MSI2: variants seen among roughly 807,000 people sequenced by gnomAD.
The protein encoded by MSI2 is RNA-binding protein Musashi homolog 2.
MSI2 carries 17 observed loss-of-function variants against 45.6 expected under a neutral mutation model. The ratio of observed to expected loss-of-function variants is 0.37; its 90% confidence interval spans 0.26 to 0.56. MSI2 has a LOEUF of 0.56. Ranked by LOEUF, MSI2 falls within the 20% of genes least tolerant of loss-of-function variation. The probability of loss-of-function intolerance (pLI) is 0.77; values close to 1 mark genes in which losing one functional copy is unlikely to be tolerated. For missense variants in MSI2, 293 were observed against 444.2 expected (o/e 0.66, Z 3.06); for synonymous variants, 156 against 158.2 (o/e 0.99, Z 0.11).
chr17:57,289,976 CCT>C (rs140981544), intron 5 of MSI2, among the ~76,000 whole-genome samples: 76 of 152,314 alleles, frequency 5.0e-4, no homozygotes, highest in Non-Finnish European at 9.6e-4. Context: ...GTGACTTTTG[CCT>C]CTCTTTTGCT....
intron 6 of MSI2, among the ~76,000 whole-genome samples, chr17:57,492,714 C>T (rs1001614343): frequency 1.6e-4 from 25 of 152,192 alleles, no homozygotes; most frequent in Non-Finnish European, 8.8e-5. Context: ...ATTCTCCTGC[C>T]TCAGCCTCCC....
At chr17:57,632,039 T>C (rs191218287) in intron 10 of MSI2, 21 of 1,345,322 alleles carry the variant, frequency 1.6e-5, no homozygotes, top group Non-Finnish European at 1.9e-5. Flanking sequence ...TATTCTCCAG[T>C]CCCCTCCCAC....
At chr17:57,637,559 G>GTTT (rs1909934779) in intron 10 of MSI2, among the ~76,000 whole-genome samples, 1 of 152,216 alleles carries the variant, frequency 6.6e-6, no homozygotes, top group Non-Finnish European at 1.5e-5. Flanking sequence ...AGCTCCCCAT[G>GTTT]GCAAAGCCCA....
At chr17:57,549,919 C>T (rs1254693750) in intron 7 of MSI2, among the ~76,000 whole-genome samples, 1 of 152,102 alleles carries the variant, frequency 6.6e-6, no homozygotes, top group Non-Finnish European at 1.5e-5. Context: ...TTTGGAGCAA[C>T]CTCTGACTGC....
At chr17:57,568,345 G>A (rs1436095849) in intron 7 of MSI2, among the ~76,000 whole-genome samples, 1 of 152,216 alleles carries the variant, frequency 6.6e-6, no homozygotes, top group Non-Finnish European at 1.5e-5. Flanking sequence ...ACAAGACAGT[G>A]ACTCAAGGCT....
At chr17:57,599,370 C>T (rs535406068) in intron 8 of MSI2, among the ~76,000 whole-genome samples, 1 of 152,188 alleles carries the variant, frequency 6.6e-6, no homozygotes, top group Admixed American at 6.5e-5. Context: ...ACTATATAGA[C>T]AGTTGTTGGA....
At chr17:57,453,500 A>C (rs1436467549) in intron 6 of MSI2, among the ~76,000 whole-genome samples, 1 of 152,178 alleles carries the variant, frequency 6.6e-6, no homozygotes, top group Non-Finnish European at 1.5e-5. Flanking sequence ...AGTCAACAGT[A>C]TCACGGAACA....
At chr17:57,585,931 G>C (rs1009122322) in intron 7 of MSI2, among the ~76,000 whole-genome samples, 1 of 152,258 alleles carries the variant, frequency 6.6e-6, no homozygotes, top group East Asian at 1.9e-4. Context: ...GGCGCGAGCT[G>C]CAGTCCTGGC....
intron 5 of MSI2, among the ~76,000 whole-genome samples, chr17:57,338,996 A>G (rs1914907786): frequency 6.6e-6 from 1 of 152,232 alleles, no homozygotes; most frequent in Non-Finnish European, 1.5e-5. Context: ...GTTTTCAGGC[A>G]TCTAAAGAAG....
intron 8 of MSI2, among the ~76,000 whole-genome samples, chr17:57,610,021 G>T (rs1312698277): frequency 6.6e-6 from 1 of 152,178 alleles, no homozygotes; most frequent in African/African-American, 2.4e-5. Context: ...TCATTATCGG[G>T]TCCGCTGGCA....
At chr17:57,482,087 C>T (rs10515145) in intron 6 of MSI2, among the ~76,000 whole-genome samples, 1,908 of 152,298 alleles carry the variant, frequency 0.013, 21 homozygotes, top group Non-Finnish European at 0.019. Flanking sequence ...GTACAACCTT[C>T]GGCCACATGA....
At chr17:57,287,041 G>C (rs931236696) in intron 5 of MSI2, among the ~76,000 whole-genome samples, 1 of 151,528 alleles carries the variant, frequency 6.6e-6, no homozygotes, top group South Asian at 2.1e-4. Flanking sequence ...TTCTTCATTG[G>C]AAATTTAAAA....
At chr17:57,586,191 G>A (rs72833102) in intron 7 of MSI2, among the ~76,000 whole-genome samples, 18,435 of 152,250 alleles carry the variant, frequency 0.12, 1,165 homozygotes, top group Middle Eastern at 0.16. Flanking sequence ...TGAGGCTGGG[G>A]TTGTCTGGCC....
At chr17:57,672,464 A>C (rs897189159) in intron 11 of MSI2, among the ~76,000 whole-genome samples, 18 of 152,206 alleles carry the variant, frequency 1.2e-4, no homozygotes, top group African/African-American at 3.9e-4. Flanking sequence ...TTCTGTGGGC[A>C]TGCTACATCC....
At chr17:57,371,686 C>T (rs1480414400) in intron 5 of MSI2, among the ~76,000 whole-genome samples, 1 of 151,834 alleles carries the variant, frequency 6.6e-6, no homozygotes, top group Non-Finnish European at 1.5e-5. Context: ...CTTTATTTGA[C>T]CAAAGCCTGT....
chr17:57,260,484 T>C (rs2143170817), intron 4 of MSI2, among the ~76,000 whole-genome samples: 1 of 152,254 alleles, frequency 6.6e-6, no homozygotes, highest in South Asian at 2.1e-4. Context: ...CTGATTGCAA[T>C]TGTGTGCCGG....
At chr17:57,404,337 A>C (rs2084045972) in intron 6 of MSI2, among the ~76,000 whole-genome samples, 1 of 152,178 alleles carries the variant, frequency 6.6e-6, no homozygotes, top group Admixed American at 6.5e-5. Context: ...TGGACTGACG[A>C]TGGGCAAGAT....
At chr17:57,518,228 G>A (rs1458709427) in intron 6 of MSI2, among the ~76,000 whole-genome samples, 3 of 152,118 alleles carry the variant, frequency 2.0e-5, no homozygotes, top group Admixed American at 6.5e-5. Context: ...TACCCTCCCT[G>A]TTTTCCAGAC....
At chr17:57,515,168 C>T (rs2086443470) in intron 6 of MSI2, among the ~76,000 whole-genome samples, 1 of 152,198 alleles carries the variant, frequency 6.6e-6, no homozygotes, top group African/African-American at 2.4e-5. Flanking sequence ...AGATTGGAAA[C>T]CACTGGGTTT....
Sources: allele counts gnomAD v4.1 joint callset (sites outside exome capture counted in the v4.1 genomes callset), GRCh38; gene constraint gnomAD v4.1.1; transcripts MANE v1.5; gene names NCBI Gene and HGNC (gene_info 2026-07-23, HGNC 2026-07-21).